Variants in CTNND2 observed in about 807,000 individuals in gnomAD.
CTNND2 encodes catenin delta 2, also known as catenin delta-2.
A neutral mutation model predicts 144.4 loss-of-function variants in CTNND2; 22 were observed. That is an observed-to-expected ratio of 0.15 (90% CI 0.11 to 0.22). The LOEUF is 0.22. CTNND2 is among the 10% of genes least tolerant of loss of function. The pLI is 1.00. For missense variants in CTNND2, 1,353 were observed against 1,618.8 expected (o/e 0.84, Z 2.82); for synonymous variants, 751 against 695.6 (o/e 1.08, Z -1.25).
intron 1 of CTNND2, among the ~76,000 whole-genome samples, chr5:11,767,705 T>C (rs574997481): frequency 9.9e-5 from 15 of 152,254 alleles, no homozygotes; most frequent in Admixed American, 5.9e-4. Context: ...TGCTAGGTTT[T>C]GACTGGCCAA....
intron 9 of CTNND2, among the ~76,000 whole-genome samples, chr5:11,306,723 C>T (rs543939187): frequency 1.3e-5 from 2 of 152,334 alleles, no homozygotes; most frequent in South Asian, 2.1e-4. Flanking sequence ...ATGTCTGATG[C>T]TTTGATCTTT....
chr5:11,894,410 G>T (rs924151837), intron 1 of CTNND2, among the ~76,000 whole-genome samples: 6 of 152,168 alleles, frequency 3.9e-5, no homozygotes, highest in Admixed American at 1.3e-4. Flanking sequence ...GGATAAAGGA[G>T]AATTCTTCCT....
intron 11 of CTNND2, among the ~76,000 whole-genome samples, chr5:11,168,133 G>C (rs1049141711): frequency 1.3e-5 from 2 of 152,158 alleles, no homozygotes; most frequent in African/African-American, 4.8e-5. Context: ...TTTTAAAAAT[G>C]AAAATCAAAA....
intron 1 of CTNND2, among the ~76,000 whole-genome samples, chr5:11,889,473 C>G (rs1736802397): frequency 6.6e-6 from 1 of 152,132 alleles, no homozygotes; most frequent in Non-Finnish European, 1.5e-5. Context: ...GGGCAACTAC[C>G]TTAAAATACT....
chr5:11,237,234 T>C (rs1235911167), intron 9 of CTNND2, among the ~76,000 whole-genome samples: 1 of 152,072 alleles, frequency 6.6e-6, no homozygotes, highest in East Asian at 1.9e-4. Context: ...TTAGCCAGGA[T>C]GATCTCGATC....
At chr5:11,271,290 CAT>C (rs2149977440) in intron 9 of CTNND2, among the ~76,000 whole-genome samples, 1 of 152,276 alleles carries the variant, frequency 6.6e-6, no homozygotes, top group East Asian at 1.9e-4. Flanking sequence ...GACTATCAAA[CAT>C]ATGTGCATTT....
At chr5:11,689,388 A>C (rs558186539) in intron 2 of CTNND2, among the ~76,000 whole-genome samples, 1 of 152,366 alleles carries the variant, frequency 6.6e-6, no homozygotes, top group Non-Finnish European at 1.5e-5. Flanking sequence ...CTCCACATAC[A>C]TTTGTGAATT....
intron 2 of CTNND2, among the ~76,000 whole-genome samples, chr5:11,702,486 GTTAT>G (rs2126673809): frequency 6.6e-6 from 1 of 152,230 alleles, no homozygotes; most frequent in African/African-American, 2.4e-5. Flanking sequence ...GTTCATATTA[GTTAT>G]TCCCCTTGAT....
chr5:11,005,888 A>C (rs1015630289), intron 18 of CTNND2, among the ~76,000 whole-genome samples: 1 of 152,184 alleles, frequency 6.6e-6, no homozygotes, highest in African/African-American at 2.4e-5. Context: ...GGGTGCAGCA[A>C]ACCACCATGG....
chr5:11,539,509 C>T (rs1003117891), intron 3 of CTNND2, among the ~76,000 whole-genome samples: 3 of 152,198 alleles, frequency 2.0e-5, no homozygotes, highest in South Asian at 4.1e-4. Context: ...ATATTTCAGT[C>T]ACTCTGTACT....
At chr5:11,383,299 C>G (rs1758706382) in intron 7 of CTNND2, among the ~76,000 whole-genome samples, 1 of 152,076 alleles carries the variant, frequency 6.6e-6, no homozygotes, top group Non-Finnish European at 1.5e-5. Flanking sequence ...AAGAACTCCA[C>G]CCATCTCCCC....
intron 9 of CTNND2, among the ~76,000 whole-genome samples, chr5:11,300,200 A>G (rs922800391): frequency 6.6e-6 from 1 of 152,066 alleles, no homozygotes; most frequent in African/African-American, 2.4e-5. Flanking sequence ...TCTTAGGAAA[A>G]GAGACCAGGT....
chr5:11,048,476 C>A (rs1745507247), intron 16 of CTNND2, among the ~76,000 whole-genome samples: 1 of 152,148 alleles, frequency 6.6e-6, no homozygotes, highest in Admixed American at 6.5e-5. Context: ...AGGGTCTGTG[C>A]AGAGAGAAGG....
intron 2 of CTNND2, among the ~76,000 whole-genome samples, chr5:11,652,605 T>G (rs1464487084): frequency 6.6e-6 from 1 of 152,216 alleles, no homozygotes; most frequent in African/African-American, 2.4e-5. Context: ...AAATTTTATT[T>G]TCAAGATGTA....
At chr5:11,761,296 C>T (rs984927018) in intron 1 of CTNND2, among the ~76,000 whole-genome samples, 4 of 152,172 alleles carry the variant, frequency 2.6e-5, no homozygotes, top group Admixed American at 2.6e-4. Flanking sequence ...AACAAATCTA[C>T]ACATCATCTT....
chr5:11,386,655 A>C (rs1759117869), intron 6 of CTNND2, among the ~76,000 whole-genome samples: 1 of 152,214 alleles, frequency 6.6e-6, no homozygotes, highest in South Asian at 2.1e-4. Context: ...TATATATTTT[A>C]AATATTCTCA....
intron 1 of CTNND2, among the ~76,000 whole-genome samples, chr5:11,818,458 T>G (rs1422431971): frequency 6.6e-6 from 1 of 151,672 alleles, no homozygotes; most frequent in East Asian, 1.9e-4. Flanking sequence ...AACCTCTGCC[T>G]CTTGGGTTCA....
intron 16 of CTNND2, among the ~76,000 whole-genome samples, chr5:11,070,818 C>A (rs563112339): frequency 6.6e-6 from 1 of 151,948 alleles, no homozygotes; most frequent in Non-Finnish European, 1.5e-5. Flanking sequence ...ATAAAAAGTG[C>A]TAAAGGAGTT....
chr5:11,785,715 G>A (rs1185573941), intron 1 of CTNND2, among the ~76,000 whole-genome samples: 2 of 152,198 alleles, frequency 1.3e-5, no homozygotes, highest in African/African-American at 4.8e-5. Context: ...AAGTATGTTG[G>A]TAGAATTTGG....
Sources: gnomAD v4.1 joint callset for allele counts (sites outside exome capture counted in the v4.1 genomes callset) on GRCh38, gnomAD v4.1.1 for gene constraint, MANE v1.5 for transcripts, NCBI Gene and HGNC (gene_info 2026-07-23, HGNC 2026-07-21) for gene names.